Variants in MYO1C observed in about 807,000 individuals in gnomAD.
MYO1C encodes the protein unconventional myosin-Ic.
MYO1C carries 104 observed loss-of-function variants against 150.8 expected under a neutral mutation model. That is an observed-to-expected ratio of 0.69 (90% CI 0.59 to 0.81). MYO1C has a LOEUF of 0.81. Ranked by LOEUF, MYO1C falls within the 30% of genes least tolerant of loss-of-function variation. MYO1C has a pLI of 0.00. For synonymous variants in MYO1C, 663 were observed against 579.9 expected (o/e 1.14, Z -2.06); for missense variants, 1,504 against 1,435.0 (o/e 1.05, Z -0.78).
chr17:1,476,986 C>T (rs774145168), intron 14 of MYO1C, among the ~76,000 whole-genome samples: 1 of 151,498 alleles, frequency 6.6e-6, no homozygotes, highest in Non-Finnish European at 1.5e-5. Flanking sequence ...TTATAGGCAC[C>T]TGCCACCACA....
chr17:1,492,470 C>T lies in MYO1C; in HGVS notation c.18G>A (p.Glu6=), dbSNP rs1366016230. The change falls in exon 1 of 32, where the codon GAG becomes GAA. Residue 6 remains glutamate, a synonymous_variant. Transcript: ENST00000648651. The stretch of plus-strand genomic sequence containing the variant: ...GGATGATCTCCCCGGTGGGTACCAG[C>T]TCCACTTGCAGCGCCATTCCGCCCT... MALQV[E]LVPTGEIIRV... is the part of the protein sequence containing the mutation. 6.2e-7 allele frequency: 1 copy of T among 1,605,596 alleles called. No individual in the cohort carries two copies. Among genetic ancestry groups the T allele is most frequent in the Non-Finnish European group, 8.5e-7 (1 of 1,176,494 alleles).
At chr17:1,484,339 A>T in intron 1 of MYO1C, 36 bp from the exon 2 acceptor site, 1 of 1,603,456 alleles carries the variant, frequency 6.2e-7, no homozygotes, top group Non-Finnish European at 8.5e-7. Flanking sequence ...GGTCAGAGTC[A>T]TCGGGGGCGG....
chr17:1,483,118 G>C, intron 3 of MYO1C, 59 bp from the exon 4 acceptor site: 1 of 1,494,894 alleles, frequency 6.7e-7, no homozygotes, highest in East Asian at 2.4e-5. Flanking sequence ...CCCCACGAGA[G>C]TCCCGCTCCC....
At chr17:1,487,336 G>T (rs570054704) in intron 1 of MYO1C, among the ~76,000 whole-genome samples, 1 of 152,368 alleles carries the variant, frequency 6.6e-6, no homozygotes, top group African/African-American at 2.4e-5. Flanking sequence ...ACACAGACTC[G>T]CCCTGGTGGG....
Position 1,467,860 on chromosome 17 carries a change from G to A in MYO1C, c.2947C>T (p.Arg983Cys), listed in dbSNP as rs1405750781. 6 of 1,585,188 alleles carry A rather than the reference G, an allele frequency of 3.8e-6. No individual in the cohort carries two copies. The highest frequency in any genetic ancestry group is 1.4e-5 in the African/African-American group (1 of 72,010). ...SDSLFVLHVQ[R>C]ADNKQKGDVV... ...GGCACCTTTTGCTTATTGTCCGCAC[G>A]CTGTACATGAAGCACAAAAAGACTG... is the stretch of plus-strand genomic sequence containing the variant. Residue 983 changes from arginine (R) to cysteine (C), a missense_variant, in exon 29 of 32, where the codon CGT becomes TGT. Transcript: ENST00000648651.
chr17:1,471,389 G>T, intron 19 of MYO1C, 53 bp from the exon 20 acceptor site: 6 of 1,516,830 alleles, frequency 4.0e-6, no homozygotes, highest in Non-Finnish European at 4.5e-6. Context: ...CTGCCCTGGG[G>T]ACCCCAATCA....
chr17:1,477,023 G>T (rs2074414713), intron 14 of MYO1C, among the ~76,000 whole-genome samples: 1 of 151,944 alleles, frequency 6.6e-6, no homozygotes, highest in Non-Finnish European at 1.5e-5. Flanking sequence ...ATTTTTAGTA[G>T]AGACTGGGTT....
At chr17:1,492,118 C>T (rs1370857205) in intron 1 of MYO1C, 2 of 454,210 alleles carry the variant, frequency 4.4e-6, no homozygotes, top group Non-Finnish European at 8.2e-6. Flanking sequence ...GTCCTTCGAC[C>T]TCACAGCAGC....
chr17:1,488,573 T>C (rs1438778745), intron 1 of MYO1C, among the ~76,000 whole-genome samples: 1 of 152,214 alleles, frequency 6.6e-6, no homozygotes, highest in African/African-American at 2.4e-5. Context: ...AGGTGACTTG[T>C]GCAAGGTCTC....
Position 1,470,224 on chromosome 17 carries a change from T to C in MYO1C, c.2477A>G (p.Gln826Arg), listed in dbSNP as rs9905106. Residue 826 changes from glutamine (Q) to arginine (R), a missense_variant, in exon 24 of 32, where the codon CAG becomes CGG. By Grantham distance (43) the Gln-to-Arg change is conservative. Transcript: ENST00000648651. ...FLLNLRRQLP[Q>R]NVLDTSWPTP... Reference sequence around the variant, plus strand: ...GGGCCACGAGGTGTCCAGGACATTCTGGGGCAGCTGCCGCCTCAGGTTTAG... The same window carrying C: ...GGGCCACGAGGTGTCCAGGACATTCCGGGGCAGCTGCCGCCTCAGGTTTAG... 0.73 allele frequency: 1,176,472 copies of C among 1,610,476 alleles called. 433,111 individuals carry two copies. The highest frequency in any genetic ancestry group is 0.88 in the African/African-American group (65,911 of 74,928).
Position 1,474,590 on chromosome 17 carries a change from C to A in MYO1C, c.1797+20G>T. 1 of 1,612,640 alleles carries A rather than the reference C, an allele frequency of 6.2e-7. No individual in the cohort carries two copies. Among genetic ancestry groups the A allele is most frequent in the Non-Finnish European group, 8.5e-7 (1 of 1,179,620 alleles). ...ACTCAGGCGCATGCACCCCTGCGCCCGGTCCCGCCACCTCCTCACCGTCTC... is the reference window on the plus strand; with the variant it reads ...ACTCAGGCGCATGCACCCCTGCGCCAGGTCCCGCCACCTCCTCACCGTCTC... On this transcript the variant is annotated intron_variant, in intron 17 of 31. Coordinates refer to ENST00000648651, the MANE Select transcript of MYO1C (RefSeq NM_001080779.2).
At position 1,470,299 on chromosome 17, in the gene MYO1C, C is replaced by CG. The variant is rs1446133378; in HGVS notation, c.2401dup (p.Arg801ProfsTer42). On this transcript the variant is annotated frameshift_variant, in exon 24 of 32. Transcript: ENST00000648651. LOFTEE classifies it high-confidence loss of function. ...CAGGAAGAAGGCGTTCTCGGGGCAG[C>CG]GGGGGGCGTGGCGCAGGACGAAGCC... 9.0e-6 allele frequency: 12 copies of CG among 1,334,992 alleles called. No individual in the cohort carries two copies. Among genetic ancestry groups the CG allele is most frequent in the East Asian group, 4.0e-5 (1 of 25,194 alleles). 82.7% of individuals were successfully genotyped at this position (1,334,992 alleles called of 1,614,324 possible). A position where few individuals can be genotyped will look rare whatever the true frequency, so the allele number is the denominator to read the frequency against.
At position 1,471,354 on chromosome 17, in the gene MYO1C, C is replaced by A; in HGVS notation, c.2022-18G>T. 2 of 1,608,734 alleles carry A rather than the reference C, an allele frequency of 1.2e-6. No homozygotes were observed. Among genetic ancestry groups the A allele is most frequent in the Non-Finnish European group, 1.7e-6 (2 of 1,176,178 alleles). On this transcript the variant is annotated intron_variant, in intron 19 of 31. Coordinates refer to ENST00000648651, the MANE Select transcript of MYO1C (RefSeq NM_001080779.2). ...ACTTGTACCTGGGGACAGGAATGCA[C>A]GCGGCTCCCACCCCAGTCAGCAGCC...
chr17:1,469,307 G>A (rs2074246700), intron 25 of MYO1C: 1 of 586,426 alleles, frequency 1.7e-6, no homozygotes, highest in Non-Finnish European at 3.1e-6. Flanking sequence ...CGGTAGGTGG[G>A]GTAAATACAG....
At position 1,470,494 on chromosome 17, in the gene MYO1C, A is replaced by G. The variant is rs1192238274; in HGVS notation, c.2307T>C (p.Arg769=). ...CTGCCTTCCTCCGGCCCAGTGTTCC[A>G]CGCCACCACGACTGGATGCAGATGG... ...RSAICIQSWW[R]GTLGRRKAAK... Residue 769 remains arginine, a synonymous_variant, in exon 23 of 32, where the codon CGT becomes CGC. Coordinates refer to ENST00000648651, the MANE Select transcript of MYO1C (RefSeq NM_001080779.2). 6.4e-7 allele frequency: 1 copy of G among 1,551,466 alleles called. No homozygotes were observed. Among genetic ancestry groups the G allele is most frequent in the Non-Finnish European group, 8.7e-7 (1 of 1,147,400 alleles).
chr17:1,477,166 A>C, intron 14 of MYO1C: 1 of 261,482 alleles, frequency 3.8e-6, no homozygotes, highest in Non-Finnish European at 7.3e-6. Context: ...AAAATTCATT[A>C]TTTATTTTTT....
At chr17:1,469,232 G>T in intron 25 of MYO1C, 1 of 440,304 alleles carries the variant, frequency 2.3e-6, no homozygotes, top group Non-Finnish European at 4.3e-6. Context: ...CGGTAGACCG[G>T]GGTCAATACT....
In MYO1C at chr17:1,477,977, G is replaced by A; in HGVS notation, c.1402-6C>T. On this transcript the variant is annotated splice_region_variant and splice_polypyrimidine_tract_variant and intron_variant, in intron 12 of 31. Coordinates refer to ENST00000648651, the MANE Select transcript of MYO1C (RefSeq NM_001080779.2). ...AAATACTGGACGGGCTCCCACTGAG[G>A]GGCAGAAGGGAAGGAAGGGATCACC... 8 of 1,614,048 alleles carry A rather than the reference G, an allele frequency of 5.0e-6. No individual in the cohort carries two copies. The highest frequency in any genetic ancestry group is 1.1e-5 in the South Asian group (1 of 91,080).
At chr17:1,471,721 C>T (rs1184241545) in intron 19 of MYO1C, among the ~76,000 whole-genome samples, 186 bp downstream of exon 19, 1 of 151,892 alleles carries the variant, frequency 6.6e-6, no homozygotes, top group African/African-American at 2.4e-5. Context: ...CTGGGGGAGC[C>T]GGGTATTCTT....
Sources: allele counts gnomAD v4.1 joint callset (sites outside exome capture counted in the v4.1 genomes callset), GRCh38; gene constraint gnomAD v4.1.1; transcripts MANE v1.5; gene names NCBI Gene and HGNC (gene_info 2026-07-23, HGNC 2026-07-21).